BCAS4: variants seen among roughly 807,000 people sequenced by gnomAD.
BCAS4 encodes the protein breast carcinoma amplified sequence 4.
A neutral mutation model predicts 15.7 loss-of-function variants in BCAS4; 9 were observed. The observed-to-expected ratio is 0.57, with a 90% CI of 0.34 to 1.00. The LOEUF (loss-of-function observed/expected upper bound fraction) is 1.00, where lower values mean the gene tolerates loss of function less well. Among genes scored for constraint, BCAS4 ranks in the 50% least tolerant of loss-of-function variants. The pLI, the probability that BCAS4 is intolerant of heterozygous loss-of-function variation, is 0.02. For synonymous variants in BCAS4, 101 were observed against 99.5 expected (o/e 1.02, Z -0.09); for missense variants, 225 against 239.1 (o/e 0.94, Z 0.39).
At chr20:50,836,422 C>G (rs1474795386) in intron 3 of BCAS4, among the ~76,000 whole-genome samples, 2 of 152,188 alleles carry the variant, frequency 1.3e-5, no homozygotes, top group Non-Finnish European at 2.9e-5. Context: ...CCATCTACCC[C>G]TCAGAGTCAT....
In BCAS4 at chr20:50,830,279, A is replaced by T; in HGVS notation, c.163A>T (p.Ile55Phe). The change falls in exon 3 of 5, where the codon ATC becomes TTC. Residue 55 changes from isoleucine to phenylalanine, a missense_variant and splice_region_variant. Ile to Phe is a conservative substitution (Grantham distance 21, BLOSUM62 0). Coordinates refer to ENST00000371608, the MANE Select transcript of BCAS4 (RefSeq NM_198799.4). ...TGATGAGCTGTTTTGTTCCTTGCAG[A>T]TCAGGAGTGATACTTCACAGATCCT... Reference protein sequence around the residue: ...LEEFCSLADLIRSDTSQILEE... With the variant: ...LEEFCSLADLFRSDTSQILEE... 5 of 1,613,326 alleles carry T rather than the reference A, an allele frequency of 3.1e-6. No homozygotes were observed. The highest frequency in any genetic ancestry group is 4.2e-6 in the Non-Finnish European group (5 of 1,179,290).
In BCAS4 at chr20:50,807,151, C is replaced by T. The variant is rs146940680; in HGVS notation, c.91-11060C>T. ...CCTCCAAAAGTGCTGGGATTACAGG[C>T]GTGAGCCACCACACCCAGCCCAATT... is the stretch of plus-strand genomic sequence containing the variant. On this transcript the variant is annotated intron_variant, in intron 1 of 4. Coordinates refer to ENST00000371608, the MANE Select transcript of BCAS4 (RefSeq NM_198799.4). Among the ~76,000 whole-genome samples, 867 of 151,658 alleles carry T rather than the reference C, an allele frequency of 5.7e-3. 4 individuals are homozygous for T. The highest frequency in any genetic ancestry group is 0.015 in the African/African-American group (635 of 41,374).
intron 4 of BCAS4, among the ~76,000 whole-genome samples, chr20:50,860,872 C>CA (rs571861542): frequency 1.3e-5 from 2 of 150,738 alleles, no homozygotes; most frequent in Admixed American, 6.6e-5. Context: ...GACTCCATCT[C>CA]AAAAAAATAA....
intron 3 of BCAS4, among the ~76,000 whole-genome samples, chr20:50,831,017 C>G (rs113561520): frequency 0.017 from 2,586 of 152,202 alleles, 90 homozygotes; most frequent in African/African-American, 0.06. Flanking sequence ...ACAATGTATA[C>G]ACGCCTAAGT....
chr20:50,833,590 G>C (rs76669166), intron 3 of BCAS4, among the ~76,000 whole-genome samples: 13 of 152,188 alleles, frequency 8.5e-5, no homozygotes, highest in Admixed American at 7.9e-4. Flanking sequence ...GTTTCAAAGC[G>C]CTGATCTAGA....
rs1233912936 is a variant in BCAS4, at chr20:50,818,275, C to T, written c.155C>T (p.Ala52Val). Residue 52 changes from alanine to valine, a missense_variant, in exon 2 of 5, where the codon GCT becomes GTT. Transcript: ENST00000371608. ...AGGCTGGAAGAGTTTTGCAGCCTGG[C>T]TGACCTGGTGAGTGGCTGCCTGGAA... ...LLRLEEFCSL[A>V]DLIRSDTSQI... The T allele has an allele frequency of 1.3e-6, 2 of 1,534,946 alleles. No individual in the cohort carries two copies. Among genetic ancestry groups the T allele is most frequent in the South Asian group, 2.3e-5 (2 of 87,176 alleles).
intron 4 of BCAS4, among the ~76,000 whole-genome samples, chr20:50,864,436 TTGA>T (rs1022257806): frequency 1.5e-5 from 2 of 131,356 alleles, no homozygotes; most frequent in African/African-American, 3.5e-5. Flanking sequence ...TTGATCATGA[TTGA>T]TTTTTTTTTT....
intron 2 of BCAS4, among the ~76,000 whole-genome samples, chr20:50,825,823 G>A (rs2088271796): frequency 6.6e-6 from 1 of 152,144 alleles, no homozygotes; most frequent in Non-Finnish European, 1.5e-5. Flanking sequence ...GTTGCAGTGA[G>A]CAGAGATGGT....
At chr20:50,804,986 T>G (rs549383900) in intron 1 of BCAS4, among the ~76,000 whole-genome samples, 2 of 152,314 alleles carry the variant, frequency 1.3e-5, no homozygotes, top group Admixed American at 1.3e-4. Flanking sequence ...GCTTTCATCT[T>G]GTGCATAGAG....
At chr20:50,844,430 C>T (rs2088518851) in intron 4 of BCAS4, among the ~76,000 whole-genome samples, 1 of 152,028 alleles carries the variant, frequency 6.6e-6, no homozygotes, top group Non-Finnish European at 1.5e-5. Flanking sequence ...AGAACAAGAC[C>T]CTATCTCTGA....
chr20:50,863,174 T>C (rs986542469), intron 4 of BCAS4, among the ~76,000 whole-genome samples: 2 of 150,642 alleles, frequency 1.3e-5, no homozygotes, highest in African/African-American at 4.9e-5. Context: ...CATCAGGAAC[T>C]GGGCTCCTTA....
intron 4 of BCAS4, chr20:50,876,055 A>T (rs1438268186): frequency 2.2e-6 from 1 of 455,482 alleles, no homozygotes; most frequent in Admixed American, 2.4e-5. Context: ...GGTTCAAGTG[A>T]TTCTCCTGCC....
intron 2 of BCAS4, among the ~76,000 whole-genome samples, chr20:50,825,884 A>G (rs990276354): frequency 6.6e-6 from 1 of 152,154 alleles, no homozygotes; most frequent in Non-Finnish European, 1.5e-5. Context: ...TCAAAAAAAC[A>G]AGAACAAAAA....
intron 4 of BCAS4, among the ~76,000 whole-genome samples, chr20:50,843,657 A>G (rs558829838): frequency 1.3e-4 from 20 of 152,228 alleles, no homozygotes; most frequent in Non-Finnish European, 2.8e-4. Context: ...CTCATGGTCT[A>G]GGAACTCCTC....
chr20:50,829,575 GC>G (rs1319993202), intron 2 of BCAS4, among the ~76,000 whole-genome samples: 1 of 152,040 alleles, frequency 6.6e-6, no homozygotes, highest in Non-Finnish European at 1.5e-5. Context: ...TGAATATGTG[GC>G]CTTTTTTGCA....
At chr20:50,870,805 C>T (rs892066150) in intron 4 of BCAS4, among the ~76,000 whole-genome samples, 3 of 152,256 alleles carry the variant, frequency 2.0e-5, no homozygotes, top group South Asian at 2.1e-4. Context: ...GCAGGGTGGA[C>T]GCAGGGAGCT....
intron 4 of BCAS4, among the ~76,000 whole-genome samples, chr20:50,854,557 C>T (rs1978650019): frequency 6.6e-6 from 1 of 152,188 alleles, no homozygotes; most frequent in Admixed American, 6.5e-5. Context: ...GGTGGAGCTT[C>T]TCCCCACAGT....
rs1978394632 is a variant in BCAS4 at position 50,851,113 on chromosome 20, G to A, written c.399+9213G>A. Among the ~76,000 whole-genome samples, 2 of 41,616 alleles carry A rather than the reference G, an allele frequency of 4.8e-5. No individual in the cohort carries two copies. Among genetic ancestry groups the A allele is most frequent in the African/African-American group, 2.2e-4 (2 of 8,936 alleles). 27.3% of individuals were successfully genotyped at this position (41,616 alleles called of 152,430 possible). On this transcript the variant is annotated intron_variant, in intron 4 of 4. Transcript: ENST00000371608. This position sits in a 1 kb window ranked among gnomAD's most constrained non-coding sequence, Gnocchi z 4.3. ...CTCTCCCCTGCAGAATCCCCCTGCA[G>A]GAGGTGACTCGGGGAGGGAGCCCGA...
chr20:50,803,156 G>T (rs1174747539), intron 1 of BCAS4, among the ~76,000 whole-genome samples: 1 of 152,234 alleles, frequency 6.6e-6, no homozygotes, highest in African/African-American at 2.4e-5. Flanking sequence ...ACTCCAGCCT[G>T]GGCCACAGAG....
Sources: gnomAD v4.1 joint callset for allele counts (sites outside exome capture counted in the v4.1 genomes callset) on GRCh38, gnomAD v4.1.1 for gene constraint, Gnocchi (gnomAD v3.1) non-coding constraint, MANE v1.5 for transcripts, NCBI Gene and HGNC (gene_info 2026-07-23, HGNC 2026-07-21) for gene names.